ZNF362: variants seen among roughly 807,000 people sequenced by gnomAD.
The protein encoded by ZNF362 is rotund homolog.
ZNF362 carries 11 observed loss-of-function variants against 42.9 expected under a neutral mutation model. The ratio of observed to expected loss-of-function variants is 0.26; its 90% CI spans 0.16 to 0.42. ZNF362 has a LOEUF of 0.42. Among genes scored for constraint, ZNF362 ranks in the 20% least tolerant of loss-of-function variants. The probability of loss-of-function intolerance (pLI) is 1.00; values close to 1 mark genes in which losing one functional copy is unlikely to be tolerated. For missense variants in ZNF362, 362 were observed against 576.2 expected, an observed-to-expected ratio of 0.63 and a Z score of 3.81; for synonymous variants, 255 against 257.3, an observed-to-expected ratio of 0.99 and a Z score of 0.09.
At chr1:33,146,868 G>T in the ZNF362 span, 1 of 393,478 alleles carries the variant, frequency 2.5e-6, no homozygotes, top group Non-Finnish European at 4.7e-6. Context: ...ACACTGGAAG[G>T]TAGTCCCCTG....
At chr1:33,291,610 T>C (rs1252440403) in intron 6 of ZNF362, among the ~76,000 whole-genome samples, 1 of 152,206 alleles carries the variant, frequency 6.6e-6, no homozygotes, top group Non-Finnish European at 1.5e-5. Context: ...AGAAAGTCAT[T>C]GGTAGCTTGA....
chr1:33,158,648 G>A, the ZNF362 span, among the ~76,000 whole-genome samples: 5 of 152,136 alleles, frequency 3.3e-5, no homozygotes, highest in Admixed American at 2.6e-4. Context: ...CACAGTGCTC[G>A]GTCACGGTCA....
chr1:33,256,903 AGTGTGTGTGCGTGTGTGTGT>A (rs1201103456), intron 1 of ZNF362, among the ~76,000 whole-genome samples: 1 of 148,754 alleles, frequency 6.7e-6, no homozygotes, highest in African/African-American at 2.5e-5. Context: ...CTGGTCTCCG[AGTGTGTGTGCGTGTGTGTGT>A]GTGCGCGCGC....
At chr1:33,256,310 C>T (rs1645789634), upstream of ZNF362, among the ~76,000 whole-genome samples, 1 of 143,616 alleles carries the variant, frequency 7.0e-6, no homozygotes. Flanking sequence ...CCGGCGCTGC[C>T]CACTCGCGGG....
chr1:33,222,082 T>A, the ZNF362 span, among the ~76,000 whole-genome samples: 2,714 of 152,306 alleles, frequency 0.018, 42 homozygotes, highest in Middle Eastern at 0.034. Context: ...TCCATGAGCC[T>A]GTATTTCCCA....
the ZNF362 span, chr1:33,181,766 G>A: frequency 3.4e-6 from 1 of 289,996 alleles, no homozygotes; most frequent in Non-Finnish European, 6.5e-6. The surrounding 1 kb of genome is among the most constrained non-coding windows in gnomAD (Gnocchi z 6.5). Flanking sequence ...CTAAGGGATA[G>A]GAGCTGGGAG....
the ZNF362 span, among the ~76,000 whole-genome samples, chr1:33,214,462 A>G: frequency 6.6e-6 from 1 of 152,222 alleles, no homozygotes; most frequent in East Asian, 1.9e-4. Context: ...AATACCTCAA[A>G]GGCACAGACA....
the ZNF362 span, among the ~76,000 whole-genome samples, chr1:33,223,119 CGTGT>C: frequency 1.3e-5 from 2 of 152,038 alleles, no homozygotes; most frequent in South Asian, 2.1e-4. Context: ...GGTGTTGTGG[CGTGT>C]GCCTGTAGTC....
At chr1:33,298,843 C>T (rs1204715785) in intron 8 of ZNF362, 87 bp from the exon 9 acceptor site, 2 of 1,143,150 alleles carry the variant, frequency 1.7e-6, no homozygotes, top group Non-Finnish European at 2.6e-6. Context: ...CTACCAAGAG[C>T]CCTCCAGTGG....
chr1:33,158,295 G>C, the ZNF362 span: 1 of 1,614,088 alleles, frequency 6.2e-7, no homozygotes, highest in Non-Finnish European at 8.5e-7. Flanking sequence ...ATGGTGTACT[G>C]CAGGGGGCCT....
chr1:33,296,111 C>T (rs570876388), intron 8 of ZNF362, among the ~76,000 whole-genome samples: 17 of 152,302 alleles, frequency 1.1e-4, no homozygotes, highest in African/African-American at 2.9e-4. Flanking sequence ...CAAGTACACA[C>T]GTAACTGTTT....
rs138130115 is a variant in ZNF362 at position 33,280,336 on chromosome 1, C to T, written c.562C>T (p.Pro188Ser). The T allele has an allele frequency of 7.4e-6, 12 of 1,614,088 alleles. No individual in the cohort carries two copies. The highest frequency in any genetic ancestry group is 1.3e-5 in the African/African-American group (1 of 75,060). The change falls in exon 5 of 9, where the codon CCC becomes TCC. Residue 188 changes from proline (P) to serine (S), a missense_variant. This residue lies in a region of ZNF362 where 266 missense variants were observed against 365.4 expected (regional missense o/e 0.73). Coordinates refer to ENST00000539719, the MANE Select transcript of ZNF362 (RefSeq NM_152493.3). This position sits in a 1 kb window ranked among gnomAD's most constrained non-coding sequence, Gnocchi z 5.6. The part of the protein sequence containing the change: ...TIQGHGLLGP[P>S]KSERGRKKIK... ...CCAGGGCCACGGCCTGCTTGGCCCC[C>T]CCAAGTCCGAACGCGGCCGCAAAAA... is the stretch of plus-strand genomic sequence containing the variant.
chr1:33,274,563 G>A (rs1000868820), intron 2 of ZNF362, among the ~76,000 whole-genome samples: 3 of 152,214 alleles, frequency 2.0e-5, no homozygotes, highest in African/African-American at 7.2e-5. Context: ...GGATGGAGGA[G>A]CAGGGGGGCT....
chr1:33,280,105 C>G lies in ZNF362; in HGVS notation c.350-19C>G, dbSNP rs1645980703. ...CTGCAGCTCCGCTCACCCCTGCCCC[C>G]ACCCACCTGTCTTCGCAGGTCTGGG... On this transcript the variant is annotated intron_variant, in intron 4 of 8. Transcript: ENST00000539719. The surrounding 1 kb of genome is among the most constrained non-coding windows in gnomAD (Gnocchi z 5.6). The G allele has an allele frequency of 6.5e-7, 1 of 1,545,648 alleles. No individual in the cohort carries two copies. The highest frequency in any genetic ancestry group is 2.3e-5 in the East Asian group (1 of 44,060).
chr1:33,148,994 C>T, the ZNF362 span, among the ~76,000 whole-genome samples: 1 of 152,188 alleles, frequency 6.6e-6, no homozygotes. Context: ...CCACTTAGGT[C>T]CAAAGCCTCT....
chr1:33,189,697 A>ATATG, the ZNF362 span, among the ~76,000 whole-genome samples: 1 of 3,984 alleles, frequency 2.5e-4, no homozygotes, highest in African/African-American at 6.0e-4. Context: ...ATATATATAT[A>ATATG]CACATATATA....
chr1:33,196,778 G>A, the ZNF362 span, among the ~76,000 whole-genome samples: 1 of 152,118 alleles, frequency 6.6e-6, no homozygotes, highest in East Asian at 1.9e-4. Context: ...CAGTGCAGTA[G>A]GCCATTTACA....
At chr1:33,146,809 A>G in the ZNF362 span, 1 of 293,528 alleles carries the variant, frequency 3.4e-6, no homozygotes, top group Non-Finnish European at 6.5e-6. Context: ...GCTGCCAACT[A>G]CTGGCCATGC....
the ZNF362 span, among the ~76,000 whole-genome samples, chr1:33,236,433 C>A: frequency 3.1e-3 from 463 of 147,446 alleles, 4 homozygotes; most frequent in African/African-American, 0.011. Flanking sequence ...TCCTAGCTAG[C>A]TAGCTACTCA....
Sources: allele counts gnomAD v4.1 joint callset (sites outside exome capture counted in the v4.1 genomes callset), GRCh38; gene constraint gnomAD v4.1.1; regional missense constraint gnomAD v4.1.1; non-coding constraint Gnocchi (gnomAD v3.1); transcripts MANE v1.5; gene names NCBI Gene and HGNC (gene_info 2026-07-23, HGNC 2026-07-21).